Variants in AMIGO1 observed in about 807,000 individuals in gnomAD.
The protein encoded by AMIGO1 is amphoterin-induced protein 1.
For synonymous variants in AMIGO1, 249 were observed against 266.3 expected, an observed-to-expected ratio of 0.93 and a Z score of 0.63; for missense variants, 361 against 612.3, an observed-to-expected ratio of 0.59 and a Z score of 4.33.
chr1:109,508,991 G>A lies in AMIGO1; in HGVS notation c.-79C>T, dbSNP rs777547098. The A allele has an allele frequency of 3.6e-5, 51 of 1,426,744 alleles. No individual in the cohort carries two copies. The highest frequency in any genetic ancestry group is 4.5e-5 in the Non-Finnish European group (48 of 1,077,244). 88.4% of individuals were successfully genotyped at this position (1,426,744 alleles called of 1,614,324 possible). A position where few individuals can be genotyped will look rare whatever the true frequency, so the allele number is the denominator to read the frequency against. ...CCCGGGCATGTTCTGGTGGGGTACG[G>A]AAGGGTCACTTGAGAGAAAGAGGAT... is the stretch of plus-strand genomic sequence containing the variant. On this transcript the variant is annotated 5_prime_UTR_variant, in exon 2 of 2. Transcript: ENST00000369864. The surrounding 1 kb of genome is among the most constrained non-coding windows in gnomAD (Gnocchi z 7.8).
rs1303432400 is a variant in AMIGO1, at chr1:109,505,432, C to T, written c.*1999G>A. 2.6e-5 allele frequency: 4 copies of T among 152,180 alleles called. No homozygotes were observed. Among genetic ancestry groups the T allele is most frequent in the Non-Finnish European group, 4.4e-5 (3 of 68,032 alleles). The allele number at this position is 152,180 out of a possible 1,614,324, so 9.4% of individuals were successfully genotyped here. A position where few individuals can be genotyped will look rare whatever the true frequency, so the allele number is the denominator to read the frequency against. ...ATACAATTGTGTGCATGAAGTTGTG[C>T]ACATTGGTGGAGACCATTCTGAGAG... is the stretch of plus-strand genomic sequence containing the variant. On this transcript the variant is annotated 3_prime_UTR_variant, in exon 2 of 2. Transcript: ENST00000369864.
Position 109,508,461 on chromosome 1 carries a change from C to G in AMIGO1, c.452G>C (p.Arg151Pro). 6.2e-7 allele frequency: 1 copy of G among 1,614,076 alleles called. No homozygotes were observed. Among genetic ancestry groups the G allele is most frequent in the Non-Finnish European group, 8.5e-7 (1 of 1,180,014 alleles). The change falls in exon 2 of 2, where the codon CGG becomes CCG. Residue 151 changes from arginine to proline, a missense_variant. Transcript: ENST00000369864. This position sits in a 1 kb window ranked among gnomAD's most constrained non-coding sequence, Gnocchi z 7.8. ...CTGGGCCATGTCATCGAAGGCGCAC[C>G]GGTCCACCGCCATGATGTGGTTATT... is the stretch of plus-strand genomic sequence containing the variant. The part of the protein sequence containing the change: ...LYNNHIMAVD[R>P]CAFDDMAQLQ...
In AMIGO1 at chr1:109,507,551, G is replaced by A. The variant is rs745901445; in HGVS notation, c.1362C>T (p.Asn454=). 20 of 1,613,906 alleles carry A rather than the reference G, an allele frequency of 1.2e-5. No individual in the cohort carries two copies. The highest frequency in any genetic ancestry group is 6.7e-5 in the Admixed American group (4 of 59,978). The change falls in exon 2 of 2, where the codon AAC becomes AAT. Residue 454 remains asparagine, a synonymous_variant. Transcript: ENST00000369864. This position sits in a 1 kb window ranked among gnomAD's most constrained non-coding sequence, Gnocchi z 4.7. ...GGGTGTTGCCTGGCTTGAGCTTGCC[G>A]TTTTGACCCTGCCCAGGTCCAGCAG... ...LEPAGPGQGQ[N]GKLKPGNTLP...
At position 109,508,307 on chromosome 1, in the gene AMIGO1, C is replaced by A; in HGVS notation, c.606G>T (p.Leu202Phe). ...AGGCCGGCAGCTTCTGCAGGTCAGG[C>A]AATGGCAAGTTCTTCAGCTTGTTAG... ...LSSNKLKNLPLPDLQKLPAWI... is the reference protein window; with the variant it reads ...LSSNKLKNLPFPDLQKLPAWI... The change falls in exon 2 of 2, where the codon TTG becomes TTT. Residue 202 changes from leucine (L) to phenylalanine (F), a missense_variant. Physicochemically the swap from Leu to Phe is conservative, Grantham distance 22 (BLOSUM62 0). Transcript: ENST00000369864. This position sits in a 1 kb window ranked among gnomAD's most constrained non-coding sequence, Gnocchi z 7.8. 6.2e-7 allele frequency: 1 copy of A among 1,614,048 alleles called. No individual in the cohort carries two copies. Among genetic ancestry groups the A allele is most frequent in the Non-Finnish European group, 8.5e-7 (1 of 1,179,998 alleles).
Position 109,508,836 on chromosome 1 carries a change from C to G in AMIGO1, c.77G>C (p.Arg26Thr). ...ACAGCTAACCACGGCTCGGCCAGCT[C>G]TGGCCACCTCAAAAAGCAGCAGGGA... ...SLSLLLFEVA[R>T]AGRAVVSCPA... The change falls in exon 2 of 2, where the codon AGA (arginine) becomes ACA (threonine). Residue 26 changes from arginine to threonine, a missense_variant. By Grantham distance (71) the Arg-to-Thr change is moderately conservative. Coordinates refer to ENST00000369864, the MANE Select transcript of AMIGO1 (RefSeq NM_020703.4). The surrounding 1 kb of genome is among the most constrained non-coding windows in gnomAD (Gnocchi z 7.8). 6.2e-7 allele frequency: 1 copy of G among 1,613,050 alleles called. No individual in the cohort carries two copies. Among genetic ancestry groups the G allele is most frequent in the South Asian group, 1.1e-5 (1 of 90,964 alleles).
At position 109,507,628 on chromosome 1, in the gene AMIGO1, C is replaced by T. The variant is rs149872562; in HGVS notation, c.1285G>A (p.Ala429Thr). ...AAACCATCATCTTTGTCCCCACCAG[C>T]CATAGGATCATGGTTGGGTGTGGTA... ...LSTTPNHDPM[A>T]GGDKDDGFDR... The change falls in exon 2 of 2, where the codon GCT (alanine) becomes ACT (threonine). Residue 429 changes from alanine to threonine, a missense_variant. Coordinates refer to ENST00000369864, the MANE Select transcript of AMIGO1 (RefSeq NM_020703.4). The surrounding 1 kb of genome is among the most constrained non-coding windows in gnomAD (Gnocchi z 4.7). 1.2e-6 allele frequency: 2 copies of T among 1,614,002 alleles called. No homozygotes were observed. Among genetic ancestry groups the T allele is most frequent in the Non-Finnish European group, 1.7e-6 (2 of 1,180,028 alleles).
At position 109,507,878 on chromosome 1, in the gene AMIGO1, T is replaced by A; in HGVS notation, c.1035A>T (p.Gly345=). 6.2e-7 allele frequency: 1 copy of A among 1,614,146 alleles called. No individual in the cohort carries two copies. The highest frequency in any genetic ancestry group is 8.5e-7 in the Non-Finnish European group (1 of 1,180,034). ...DGGVYTCYAM[G]ETFNETLSVE... is the part of the protein sequence containing the mutation. ...CAGACAGTGTCTCATTGAAAGTCTC[T>A]CCCATGGCATAGCAGGTATACACAC... The change falls in exon 2 of 2, where the codon GGA becomes GGT. Residue 345 remains glycine, a synonymous_variant. Coordinates refer to ENST00000369864, the MANE Select transcript of AMIGO1 (RefSeq NM_020703.4). The surrounding 1 kb of genome is among the most constrained non-coding windows in gnomAD (Gnocchi z 4.7).
Position 109,507,425 on chromosome 1 carries a change from T to C in AMIGO1, c.*6A>G, listed in dbSNP as rs1048801630. The C allele has an allele frequency of 8.2e-6, 13 of 1,589,564 alleles. No homozygotes were observed. The highest frequency in any genetic ancestry group is 1.1e-5 in the Non-Finnish European group (13 of 1,165,644). On this transcript the variant is annotated 3_prime_UTR_variant, in exon 2 of 2. Coordinates refer to ENST00000369864, the MANE Select transcript of AMIGO1 (RefSeq NM_020703.4). The surrounding 1 kb of genome is among the most constrained non-coding windows in gnomAD (Gnocchi z 4.7). ...GGGGCAGAATCTCCCCACCAACCCATCCTGCTCACACCACAATGGGCGTAT... is the reference window on the plus strand; with the variant it reads ...GGGGCAGAATCTCCCCACCAACCCACCCTGCTCACACCACAATGGGCGTAT...
rs1435750373 is a variant in AMIGO1, at chr1:109,504,736, G to C, written c.*2695C>G. The C allele has an allele frequency of 1.3e-5, 2 of 152,072 alleles. No homozygotes were observed. The highest frequency in any genetic ancestry group is 2.9e-5 in the Non-Finnish European group (2 of 68,006). The allele number at this position is 152,072 out of a possible 1,614,324, so 9.4% of individuals were successfully genotyped here. On this transcript the variant is annotated 3_prime_UTR_variant, in exon 2 of 2. Coordinates refer to ENST00000369864, the MANE Select transcript of AMIGO1 (RefSeq NM_020703.4). ...GTAGGGCAGCCAGGTACATCTACCA[G>C]GTGTCTCAAACTCAAGGCCAAACTA... is the stretch of plus-strand genomic sequence containing the variant.
rs1658121156 is a variant in AMIGO1, at chr1:109,509,651, C to G, written c.-319G>C. The G allele has an allele frequency of 6.6e-6, 1 of 151,554 alleles. No individual in the cohort carries two copies. The highest frequency in any genetic ancestry group is 6.6e-5 in the Admixed American group (1 of 15,218). 9.4% of individuals were successfully genotyped at this position (151,554 alleles called of 1,614,324 possible). A position where few individuals can be genotyped will look rare whatever the true frequency, so the allele number is the denominator to read the frequency against. On this transcript the variant is annotated 5_prime_UTR_variant, in exon 1 of 2. Coordinates refer to ENST00000369864, the MANE Select transcript of AMIGO1 (RefSeq NM_020703.4). Reference sequence around the variant, plus strand: ...ACCGCGGTCGCTGCCTCCAGGTCCGCAGGCCTGGCGCGGATCGGTGCGGGG... The same window carrying G: ...ACCGCGGTCGCTGCCTCCAGGTCCGGAGGCCTGGCGCGGATCGGTGCGGGG...
At chr1:109,509,118 GGTAGTTTCCAGGCACTGT>G (rs1658102918) in intron 1 of AMIGO1, 119 bp from the exon 2 acceptor site, 1 of 620,500 alleles carries the variant, frequency 1.6e-6, no homozygotes, top group African/African-American at 1.8e-5. Flanking sequence ...AGAGATGCTG[GGTAGTTTCCAGGCACTGT>G]GCAGGCAGTG....
Position 109,507,519 on chromosome 1 carries a change from A to T in AMIGO1, c.1394T>A (p.Val465Glu). The T allele has an allele frequency of 6.2e-7, 1 of 1,614,166 alleles. No homozygotes were observed. The highest frequency in any genetic ancestry group is 8.5e-7 in the Non-Finnish European group (1 of 1,180,032). Residue 465 changes from valine (V) to glutamate (E), a missense_variant, in exon 2 of 2, where the codon GTG becomes GAG. Val to Glu is a moderately radical substitution (Grantham distance 121). Coordinates refer to ENST00000369864, the MANE Select transcript of AMIGO1 (RefSeq NM_020703.4). The surrounding 1 kb of genome is among the most constrained non-coding windows in gnomAD (Gnocchi z 4.7). ...TTGGCCCTTGCCTGTGGCCTCAGGC[A>T]CTGGCAGGGTGTTGCCTGGCTTGAG... ...GKLKPGNTLP[V>E]PEATGKGQRR...
rs1417157043 is a variant in AMIGO1 at position 109,504,787 on chromosome 1, G to A, written c.*2644C>T. The A allele has an allele frequency of 6.6e-6, 1 of 152,152 alleles. No individual in the cohort carries two copies. Among genetic ancestry groups the A allele is most frequent in the African/African-American group, 2.4e-5 (1 of 41,432 alleles). 9.4% of individuals were successfully genotyped at this position (152,152 alleles called of 1,614,324 possible). A position where few individuals can be genotyped will look rare whatever the true frequency, so the allele number is the denominator to read the frequency against. ...GTGGATATAGTCAGGAGACTTAAGA[G>A]CCACAGGGCCTTTTCTCATTCCCTA... is the stretch of plus-strand genomic sequence containing the variant. On this transcript the variant is annotated 3_prime_UTR_variant, in exon 2 of 2. Coordinates refer to ENST00000369864, the MANE Select transcript of AMIGO1 (RefSeq NM_020703.4).
chr1:109,507,723 C>T lies in AMIGO1; in HGVS notation c.1190G>A (p.Arg397His), dbSNP rs779136835. The T allele has an allele frequency of 5.0e-6, 8 of 1,614,100 alleles. No homozygotes were observed. Among genetic ancestry groups the T allele is most frequent in the South Asian group, 3.3e-5 (3 of 91,074 alleles). ...VLIYLYLTPCRCWCRGVEKPS... is the reference protein window; with the variant it reads ...VLIYLYLTPCHCWCRGVEKPS... ...CTTCTCTACACCCCGGCACCAGCAG[C>T]GGCAAGGGGTGAGGTATAGGTATAT... The change falls in exon 2 of 2, where the codon CGC becomes CAC. Residue 397 changes from arginine (R) to histidine (H), a missense_variant. By Grantham distance (29) the Arg-to-His change is conservative (BLOSUM62 0). Transcript: ENST00000369864. This position sits in a 1 kb window ranked among gnomAD's most constrained non-coding sequence, Gnocchi z 4.7.
chr1:109,508,087 G>A lies in AMIGO1; in HGVS notation c.826C>T (p.Arg276Cys), dbSNP rs775472564. The A allele has an allele frequency of 1.2e-6, 2 of 1,614,134 alleles. No individual in the cohort carries two copies. Among genetic ancestry groups the A allele is most frequent in the Non-Finnish European group, 8.5e-7 (1 of 1,180,030 alleles). Reference sequence around the variant, plus strand: ...TCACCCAGGTGGGCCTCCCAGGCACGCTCCTTGTACTCGCCACAGTTGAGG... The same window carrying A: ...TCACCCAGGTGGGCCTCCCAGGCACACTCCTTGTACTCGCCACAGTTGAGG... Reference protein sequence around the residue: ...SFLNCGEYKERAWEAHLGDTL... With the variant: ...SFLNCGEYKECAWEAHLGDTL... The change falls in exon 2 of 2, where the codon CGT (arginine) becomes TGT (cysteine). Residue 276 changes from arginine (R) to cysteine (C), a missense_variant. Arg to Cys is a radical substitution (Grantham distance 180). Transcript: ENST00000369864. The surrounding 1 kb of genome is among the most constrained non-coding windows in gnomAD (Gnocchi z 7.8).
chr1:109,509,565 C>CG lies in AMIGO1; in HGVS notation c.-234dup, dbSNP rs1397535162. 1 of 151,902 alleles carries CG rather than the reference C, an allele frequency of 6.6e-6. No individual in the cohort carries two copies. The highest frequency in any genetic ancestry group is 1.5e-5 in the Non-Finnish European group (1 of 67,914). 9.4% of individuals were successfully genotyped at this position (151,902 alleles called of 1,614,324 possible). On this transcript the variant is annotated 5_prime_UTR_variant, in exon 1 of 2. Coordinates refer to ENST00000369864, the MANE Select transcript of AMIGO1 (RefSeq NM_020703.4). The stretch of plus-strand genomic sequence containing the variant: ...GGCACCGTCGCCTCCCGGGGACTTG[C>CG]GGGGCCCCGCTCCGCTCACCCTGCC...
At position 109,509,701 on chromosome 1, in the gene AMIGO1, G is replaced by A. The variant is rs1389538706; in HGVS notation, c.-369C>T. 6.7e-6 allele frequency: 1 copy of A among 150,132 alleles called. No homozygotes were observed. 9.3% of individuals were successfully genotyped at this position (150,132 alleles called of 1,614,324 possible). ...GAGCCGGAGGCGCAGCGATCCCAGC[G>A]GAGGGAGCGGCGTGGGGGCAGCGAG... is the stretch of plus-strand genomic sequence containing the variant. On this transcript the variant is annotated 5_prime_UTR_variant, in exon 1 of 2. Coordinates refer to ENST00000369864, the MANE Select transcript of AMIGO1 (RefSeq NM_020703.4).
At position 109,504,246 on chromosome 1, in the gene AMIGO1, A is replaced by G. The variant is rs1657962851; in HGVS notation, c.*3185T>C. 6.6e-6 allele frequency: 1 copy of G among 152,166 alleles called. No homozygotes were observed. The allele number at this position is 152,166 out of a possible 1,614,324, so 9.4% of individuals were successfully genotyped here. A position where few individuals can be genotyped will look rare whatever the true frequency, so the allele number is the denominator to read the frequency against. On this transcript the variant is annotated 3_prime_UTR_variant, in exon 2 of 2. Coordinates refer to ENST00000369864, the MANE Select transcript of AMIGO1 (RefSeq NM_020703.4). The stretch of plus-strand genomic sequence containing the variant: ...GTTTTCAGAGCCCAGAGGCTCCAAG[A>G]TTTGCCAGCCTAGGTGTACACAAGT...
chr1:109,508,546 G>T lies in AMIGO1; in HGVS notation c.367C>A (p.Arg123Ser), dbSNP rs531529454. Residue 123 changes from arginine to serine, a missense_variant, in exon 2 of 2, where the codon CGT (arginine) becomes AGT (serine). Transcript: ENST00000369864. This position sits in a 1 kb window ranked among gnomAD's most constrained non-coding sequence, Gnocchi z 7.8. ...RYLDLSSNQL[R>S]TLDEFLFSDL... ...CTGAACAGGAACTCATCCAGTGTAC[G>T]CAGCTGGTTGGAGGAGAGGTCCAGG... 6.2e-7 allele frequency: 1 copy of T among 1,614,172 alleles called. No homozygotes were observed. The highest frequency in any genetic ancestry group is 2.2e-5 in the East Asian group (1 of 44,872).
Sources: allele counts gnomAD v4.1 joint callset, GRCh38; gene constraint gnomAD v4.1.1; non-coding constraint Gnocchi (gnomAD v3.1); transcripts MANE v1.5; gene names NCBI Gene and HGNC (gene_info 2026-07-23, HGNC 2026-07-21).